Variants in ANK3 observed in about 807,000 individuals in gnomAD.
ANK3 encodes ankyrin-3.
In ANK3, 57 loss-of-function variants were observed where a neutral mutation model predicts 370.9. The ratio of observed to expected loss-of-function variants is 0.15; its 90% confidence interval spans 0.12 to 0.19. The LOEUF (loss-of-function observed/expected upper bound fraction) is 0.19. ANK3 is among the 10% of genes least tolerant of loss of function. ANK3 has a pLI of 1.00. For missense variants in ANK3, 4,439 were observed against 5,302.1 expected (o/e 0.84, Z 5.06); for synonymous variants, 1,929 against 1,946.3 (o/e 0.99, Z 0.23).
chr10:60,199,759 A>G (rs1228505321), intron 13 of ANK3, among the ~76,000 whole-genome samples: 2 of 151,946 alleles, frequency 1.3e-5, no homozygotes, highest in Non-Finnish European at 2.9e-5. Context: ...TAAGTCAACC[A>G]GAAAAGCTCA....
chr10:60,401,805 A>C (rs1402468589), intron 2 of ANK3, among the ~76,000 whole-genome samples: 1 of 152,208 alleles, frequency 6.6e-6, no homozygotes, highest in Non-Finnish European at 1.5e-5. Flanking sequence ...ACAATGCTAT[A>C]AATGGCCACT....
chr10:60,436,744 C>T (rs944053694), intron 2 of ANK3, among the ~76,000 whole-genome samples: 64 of 152,302 alleles, frequency 4.2e-4, no homozygotes, highest in African/African-American at 1.5e-3. Flanking sequence ...ATATATCTCC[C>T]ATTCTCCAGG....
chr10:60,384,420 C>G (rs903721299), intron 1 of ANK3, among the ~76,000 whole-genome samples: 3 of 152,152 alleles, frequency 2.0e-5, no homozygotes, highest in African/African-American at 7.2e-5. Flanking sequence ...TAGAAAATAG[C>G]TTATTACTTA....
chr10:60,152,458 A>T (rs965881689), intron 23 of ANK3, among the ~76,000 whole-genome samples: 10 of 152,298 alleles, frequency 6.6e-5, no homozygotes, highest in African/African-American at 2.2e-4. Flanking sequence ...ATTAATGACT[A>T]ATAAAATGAG....
chr10:60,546,226 G>A (rs1393364839), intron 2 of ANK3, among the ~76,000 whole-genome samples: 1 of 152,060 alleles, frequency 6.6e-6, no homozygotes, highest in Non-Finnish European at 1.5e-5. Flanking sequence ...TGTAGAGACA[G>A]GGTCTCACTA....
Position 60,572,602 on chromosome 10 carries a change from A to G in ANK3, c.96+42584T>C, listed in dbSNP as rs12765844. ...TCCAACATCCAAAACCACGGCAAAG[A>G]GTCAAAGCATTGAGACCAAAGTCCA... On this transcript the variant is annotated intron_variant, in intron 2 of 43. Transcript: ENST00000373827. The G allele has an allele frequency of 3.3e-6, 5 of 1,518,716 alleles. No homozygotes were observed. The South Asian group carries it at 5.0e-5, about 15-fold the overall frequency. 94.1% of individuals were successfully genotyped at this position (1,518,716 alleles called of 1,614,324 possible).
At chr10:60,137,385 A>C (rs1399487937) in intron 24 of ANK3, 4 of 368,220 alleles carry the variant, frequency 1.1e-5, no homozygotes, top group South Asian at 6.3e-5. Flanking sequence ...AAAAAAAAAA[A>C]AAAAAAACAA....
intron 2 of ANK3, among the ~76,000 whole-genome samples, chr10:60,501,219 C>G (rs1420601505): frequency 6.6e-6 from 1 of 152,118 alleles, no homozygotes; most frequent in Non-Finnish European, 1.5e-5. Context: ...TGAGAGCAGG[C>G]AGGAGGTGAG....
At chr10:60,192,831 C>T (rs2096515084) in intron 16 of ANK3, among the ~76,000 whole-genome samples, 2 of 152,080 alleles carry the variant, frequency 1.3e-5, no homozygotes, top group Admixed American at 1.3e-4. Flanking sequence ...ACTTGTACCC[C>T]CAAATTGATT....
rs72820440 is a variant in ANK3, at chr10:60,163,409, C to T, written c.2614+3182G>A. ...GGACAAAGTTGCTTGACTTCTTCTACGGCTCTGCTTTGCTGATGCTTCCAC... is the reference window on the plus strand; with the variant it reads ...GGACAAAGTTGCTTGACTTCTTCTATGGCTCTGCTTTGCTGATGCTTCCAC... On this transcript the variant is annotated intron_variant, in intron 23 of 43. Coordinates refer to ENST00000280772, the MANE Select transcript of ANK3 (RefSeq NM_020987.5). Among the ~76,000 whole-genome samples the T allele has an allele frequency of 3.1e-3, 472 of 152,316 alleles. 1 individual carries two copies. The highest frequency in any genetic ancestry group is 4.6e-3 in the Non-Finnish European group (314 of 68,018).
intron 1 of ANK3, among the ~76,000 whole-genome samples, chr10:60,380,929 C>T (rs772701139): frequency 6.6e-6 from 1 of 152,064 alleles, no homozygotes. Flanking sequence ...GCAATCAGAT[C>T]GCAGGGAGAA....
At chr10:60,342,438 T>G (rs2054479551) in intron 1 of ANK3, among the ~76,000 whole-genome samples, 1 of 152,136 alleles carries the variant, frequency 6.6e-6, no homozygotes, top group South Asian at 2.1e-4. Context: ...TAGGACAATT[T>G]GGAGGAAAAC....
intron 2 of ANK3, among the ~76,000 whole-genome samples, chr10:60,425,404 C>T (rs1009123949): frequency 6.6e-6 from 1 of 152,114 alleles, no homozygotes; most frequent in African/African-American, 2.4e-5. Flanking sequence ...CGTAGTGATT[C>T]TGTTTCCCTT....
At chr10:60,410,932 C>T (rs1415904842) in intron 2 of ANK3, among the ~76,000 whole-genome samples, 2 of 152,066 alleles carry the variant, frequency 1.3e-5, no homozygotes, top group African/African-American at 4.8e-5. Flanking sequence ...TCTCTGCTTC[C>T]CAAAGTGCTG....
intron 1 of ANK3, among the ~76,000 whole-genome samples, chr10:60,711,963 T>A (rs913104990): frequency 3.3e-5 from 5 of 152,200 alleles, no homozygotes; most frequent in Admixed American, 2.0e-4. Flanking sequence ...AACCTATAGT[T>A]TCACTTCCAA....
At chr10:60,543,468 A>T (rs1393096804) in intron 2 of ANK3, among the ~76,000 whole-genome samples, 11 of 152,022 alleles carry the variant, frequency 7.2e-5, no homozygotes, top group Non-Finnish European at 1.5e-5. Context: ...TATTGACTTG[A>T]GCTGTGGTGA....
At chr10:60,282,631 T>C (rs2098180898) in intron 1 of ANK3, among the ~76,000 whole-genome samples, 2 of 152,178 alleles carry the variant, frequency 1.3e-5, no homozygotes, top group African/African-American at 4.8e-5. Flanking sequence ...TGATACAAAA[T>C]TCTCTGGTGG....
intron 1 of ANK3, among the ~76,000 whole-genome samples, chr10:60,379,585 G>A (rs1478038483): frequency 6.6e-6 from 1 of 151,990 alleles, no homozygotes; most frequent in Non-Finnish European, 1.5e-5. Flanking sequence ...CAGAAATGGG[G>A]GACTTCATGT....
At chr10:60,327,449 A>G (rs548144876) in intron 1 of ANK3, among the ~76,000 whole-genome samples, 3 of 152,330 alleles carry the variant, frequency 2.0e-5, no homozygotes, top group African/African-American at 7.2e-5. Flanking sequence ...TGCCTATACA[A>G]AAACTTACTT....
Sources: allele counts gnomAD v4.1 joint callset (sites outside exome capture counted in the v4.1 genomes callset), GRCh38; gene constraint gnomAD v4.1.1; transcripts MANE v1.5; gene names NCBI Gene and HGNC (gene_info 2026-07-23, HGNC 2026-07-21).